Variants in ACOT2 observed in about 807,000 individuals in gnomAD.
The protein encoded by ACOT2 is acyl-CoA thioesterase 2.
In ACOT2, 15 loss-of-function variants were observed where a neutral mutation model predicts 20.1. That is an observed-to-expected ratio of 0.75 (90% CI 0.50 to 1.15). The LOEUF is 1.15. Among genes scored for constraint, ACOT2 ranks in the 50% most tolerant of loss-of-function variants. The pLI is 0.00. For synonymous variants in ACOT2, 252 were observed against 268.4 expected, an observed-to-expected ratio of 0.94 and a Z score of 0.60; for missense variants, 479 against 615.3, an observed-to-expected ratio of 0.78 and a Z score of 2.34.
chr14:73,568,500 G>C (rs968002678), upstream of ACOT2, among the ~76,000 whole-genome samples: 1 of 151,948 alleles, frequency 6.6e-6, no homozygotes, highest in African/African-American at 2.4e-5. Flanking sequence ...TTGGAGGTTT[G>C]TAAGTGCAGT....
At chr14:73,569,140 T>A (rs1889653913), upstream of ACOT2, 11 of 1,373,332 alleles carry the variant, frequency 8.0e-6, no homozygotes, top group Admixed American at 2.0e-5. Flanking sequence ...AGTGTGTCTA[T>A]ATTTGGTCTG....
At position 73,575,178 on chromosome 14, in the gene ACOT2, G is replaced by A; in HGVS notation, c.1117G>A (p.Val373Met). Residue 373 changes from valine to methionine, a missense_variant, in exon 3 of 3, where the codon GTG becomes ATG. By Grantham distance (21) the Val-to-Met change is conservative. Coordinates refer to ENST00000238651, the MANE Select transcript of ACOT2 (RefSeq NM_006821.6). ...EGPDQKSFIP[V>M]ERAESTFLFL... ...ACCTGACCAGAAGAGCTTCATTCCT[G>A]TGGAAAGGGCAGAGAGCACCTTCCT... The A allele has an allele frequency of 8.9e-7, 1 of 1,128,964 alleles. No homozygotes were observed. The highest frequency in any genetic ancestry group is 1.2e-6 in the Non-Finnish European group (1 of 812,928). The allele number at this position is 1,128,964 out of a possible 1,614,324, so 69.9% of individuals were successfully genotyped here.
chr14:73,573,688 C>G, intron 2 of ACOT2, 98 bp downstream of exon 2: 1 of 1,386,000 alleles, frequency 7.2e-7, no homozygotes, highest in Non-Finnish European at 1.0e-6. Flanking sequence ...GACAGCCATT[C>G]CCTACCCCAA....
chr14:73,573,434 T>G lies in ACOT2; in HGVS notation c.690T>G (p.Gly230=). ...PGIVDMFGTG[G]GLLEYRASLL... ...TTGTGGACATGTTCGGAACTGGAGG[T>G]GGCCTGCTGGAGTATCGGGCTAGTC... The change falls in exon 2 of 3, where the codon GGT becomes GGG. Residue 230 remains glycine (G), a synonymous_variant. Transcript: ENST00000238651. The G allele has an allele frequency of 6.2e-7, 1 of 1,613,742 alleles. No homozygotes were observed. Among genetic ancestry groups the G allele is most frequent in the Non-Finnish European group, 8.5e-7 (1 of 1,179,744 alleles).
Position 73,569,700 on chromosome 14 carries a change from C to G in ACOT2, c.460C>G (p.Arg154Gly). ...WALEPEKPLV[R>G]LVKRDVRTPL... ...CTTGGAGCCCGAGAAACCTTTGGTGCGGCTGGTGAAGCGCGACGTGCGAAC... is the reference window on the plus strand; with the variant it reads ...CTTGGAGCCCGAGAAACCTTTGGTGGGGCTGGTGAAGCGCGACGTGCGAAC... Residue 154 changes from arginine (R) to glycine (G), a missense_variant, in exon 1 of 3, where the codon CGG becomes GGG. Transcript: ENST00000238651. 6.2e-7 allele frequency: 1 copy of G among 1,609,520 alleles called. No individual in the cohort carries two copies. The highest frequency in any genetic ancestry group is 8.5e-7 in the Non-Finnish European group (1 of 1,178,910).
chr14:73,569,920 C>A, intron 1 of ACOT2, 37 bp downstream of exon 1: 1 of 1,581,478 alleles, frequency 6.3e-7, no homozygotes, highest in Admixed American at 1.8e-5. Flanking sequence ...TGTTCGTTCG[C>A]CTTTCACTTT....
intron 2 of ACOT2, 106 bp from the exon 3 acceptor site, chr14:73,574,802 C>G (rs1354739823): frequency 6.3e-7 from 1 of 1,582,066 alleles, no homozygotes; most frequent in Non-Finnish European, 8.6e-7. Context: ...AATGGTAGAA[C>G]CTAGATTCAG....
At chr14:73,570,895 C>G (rs1298569601) in intron 1 of ACOT2, among the ~76,000 whole-genome samples, 3 of 104,534 alleles carry the variant, frequency 2.9e-5, no homozygotes, top group African/African-American at 3.8e-5. Flanking sequence ...ACAAGAGTGA[C>G]TCTATCTTAA....
intron 1 of ACOT2, among the ~76,000 whole-genome samples, chr14:73,572,543 A>G (rs550974011): frequency 3.0e-4 from 46 of 151,060 alleles, no homozygotes; most frequent in African/African-American, 1.0e-3. Flanking sequence ...GGATACTGGA[A>G]AGAGAGGAAA....
chr14:73,568,905 A>G (rs1889650580), upstream of ACOT2, among the ~76,000 whole-genome samples: 1 of 152,050 alleles, frequency 6.6e-6, no homozygotes, highest in African/African-American at 2.4e-5. Flanking sequence ...AAGATTAGTA[A>G]TGAGTGTGAA....
At chr14:73,572,601 G>A (rs1037890649) in intron 1 of ACOT2, among the ~76,000 whole-genome samples, 38 of 141,242 alleles carry the variant, frequency 2.7e-4, no homozygotes, top group African/African-American at 8.9e-4. Flanking sequence ...TATCAGCACT[G>A]AACTATGTCT....
At chr14:73,570,965 C>T (rs1889727677) in intron 1 of ACOT2, among the ~76,000 whole-genome samples, 1 of 139,126 alleles carries the variant, frequency 7.2e-6, no homozygotes, top group African/African-American at 2.6e-5. Context: ...TATGTATTGA[C>T]TAGGAAGCCA....
intron 1 of ACOT2, chr14:73,571,737 T>C (rs918419159): frequency 1.3e-5 from 2 of 152,008 alleles, no homozygotes; most frequent in African/African-American, 2.4e-5. Flanking sequence ...CCTAGGGGTA[T>C]GGGGCCCAGA....
In ACOT2 at chr14:73,573,529, T is replaced by G. The variant is rs756524382; in HGVS notation, c.785T>G (p.Met262Arg). The change falls in exon 2 of 3, where the codon ATG (methionine) becomes AGG (arginine). Residue 262 changes from methionine (M) to arginine (R), a missense_variant. Coordinates refer to ENST00000238651, the MANE Select transcript of ACOT2 (RefSeq NM_006821.6). ...YYNYEDLPKT[M>R]ETLHLEYFEE... is the part of the protein sequence containing the mutation. ...AACTATGAAGACCTCCCCAAGACCA[T>G]GGAGACGCTCCATCTGGAGTACTTT... is the stretch of plus-strand genomic sequence containing the variant. The G allele has an allele frequency of 3.1e-6, 5 of 1,613,604 alleles. No individual in the cohort carries two copies. The highest frequency in any genetic ancestry group is 2.7e-5 in the African/African-American group (2 of 74,890).
chr14:73,574,454 T>G (rs1889837807), intron 2 of ACOT2: 1 of 260,432 alleles, frequency 3.8e-6, no homozygotes, highest in African/African-American at 2.2e-5. Context: ...TTAGTAGAGA[T>G]GTTTCACCAT....
At position 73,573,588 on chromosome 14, in the gene ACOT2, G is replaced by A. The variant is rs199554210; in HGVS notation, c.844G>A (p.Glu282Lys). 3.1e-6 allele frequency: 5 copies of A among 1,613,638 alleles called. No individual in the cohort carries two copies. Among genetic ancestry groups the A allele is most frequent in the Admixed American group, 3.3e-5 (2 of 59,968 alleles). Residue 282 changes from glutamate (E) to lysine (K), a missense_variant and splice_region_variant, in exon 2 of 3, where the codon GAG (glutamate) becomes AAG (lysine). This residue lies in a region of ACOT2 where 400 missense variants were observed against 395.5 expected (regional missense o/e 1.01). Coordinates refer to ENST00000238651, the MANE Select transcript of ACOT2 (RefSeq NM_006821.6). ...CATGAACTACTTGCTCAGTCATCCC[G>A]AGGTTAGTTCTTCTTTCAGATTTAT... is the stretch of plus-strand genomic sequence containing the variant. ...EAMNYLLSHP[E>K]VKGPGVGLLG...
rs565313802 is a variant in ACOT2, at chr14:73,574,765, A to C, written c.847-143A>C. ...GGAAAGGAAGAGATAGAGGGGAGGT[A>C]AATTCTCAAAGTTGCAAATCTGGGT... On this transcript the variant is annotated intron_variant, in intron 2 of 2. Coordinates refer to ENST00000238651, the MANE Select transcript of ACOT2 (RefSeq NM_006821.6). 96 of 1,378,060 alleles carry C rather than the reference A, an allele frequency of 7.0e-5. 1 individual carries two copies. The South Asian group carries it at 1.2e-3, about 18-fold the overall frequency. 85.4% of individuals were successfully genotyped at this position (1,378,060 alleles called of 1,614,324 possible). A position where few individuals can be genotyped will look rare whatever the true frequency, so the allele number is the denominator to read the frequency against.
chr14:73,574,510 G>C (rs1297798389), intron 2 of ACOT2: 9 of 348,734 alleles, frequency 2.6e-5, no homozygotes, highest in Non-Finnish European at 4.9e-5. Flanking sequence ...TGATCCACCC[G>C]CCTCAGCCTC....
intron 1 of ACOT2, among the ~76,000 whole-genome samples, chr14:73,570,971 A>T (rs1269948106): frequency 2.3e-5 from 3 of 129,210 alleles, no homozygotes; most frequent in African/African-American, 8.6e-5. Context: ...TTGACTAGGA[A>T]GCCACTTTTT....
Sources: gnomAD v4.1 joint callset for allele counts (sites outside exome capture counted in the v4.1 genomes callset) on GRCh38, gnomAD v4.1.1 for gene constraint, gnomAD v4.1.1 regional missense constraint, MANE v1.5 for transcripts, NCBI Gene and HGNC (gene_info 2026-07-23, HGNC 2026-07-21) for gene names.